MINAR1: variants seen among roughly 807,000 people sequenced by gnomAD.
MINAR1 encodes major intrinsically disordered Notch2-binding receptor 1.
In MINAR1, 40 loss-of-function variants were observed where a neutral mutation model predicts 65.1. The ratio of observed to expected loss-of-function variants is 0.61; its 90% CI spans 0.48 to 0.80. The LOEUF is 0.80. Among genes scored for constraint, MINAR1 ranks in the 30% least tolerant of loss-of-function variants. The pLI, the probability that MINAR1 is intolerant of heterozygous loss-of-function variation, is 0.00. For synonymous variants in MINAR1, 482 were observed against 449.1 expected, an observed-to-expected ratio of 1.07 and a Z score of -0.93; for missense variants, 1,128 against 1,148.0, an observed-to-expected ratio of 0.98 and a Z score of 0.25.
chr15:79,423,998 C>G, the MINAR1 span: 1 of 152,262 alleles, frequency 6.6e-6, no homozygotes, highest in East Asian at 1.9e-4. Context: ...TGCATGCCAC[C>G]CTGTGATCTG....
intron 1 of MINAR1, among the ~76,000 whole-genome samples, chr15:79,447,670 C>T (rs1895063003): frequency 2.6e-5 from 4 of 152,110 alleles, no homozygotes; most frequent in Admixed American, 2.6e-4. Context: ...CAGCCATGGA[C>T]ATTAGCAGCA....
At chr15:79,452,533 AGTGTGTGGGTGTGT>A (rs1175957388) in intron 1 of MINAR1, among the ~76,000 whole-genome samples, 3 of 142,062 alleles carry the variant, frequency 2.1e-5, no homozygotes, top group Admixed American at 2.1e-4. Flanking sequence ...TGACTGGGTG[AGTGTGTGGGTGTGT>A]GTGGGTGAGT....
the MINAR1 span, chr15:79,416,343 A>G: frequency 6.6e-6 from 1 of 152,230 alleles, no homozygotes; most frequent in Non-Finnish European, 1.5e-5. Flanking sequence ...TGCCTGGCAC[A>G]TCTGGAAAGG....
At chr15:79,414,860 G>C in the MINAR1 span, 1 of 152,208 alleles carries the variant, frequency 6.6e-6, no homozygotes, top group Non-Finnish European at 1.5e-5. Flanking sequence ...ATAATGCAGT[G>C]AGCACTCCAA....
the MINAR1 span, chr15:79,423,256 T>G: frequency 2.0e-5 from 3 of 152,104 alleles, no homozygotes; most frequent in Non-Finnish European, 4.4e-5. Context: ...AATATTATGT[T>G]GATGGTGAAA....
Position 79,456,323 on chromosome 15 carries a change from AT to A in MINAR1, c.180del (p.Pro61GlnfsTer9). 5 of 1,614,166 alleles carry A rather than the reference AT, an allele frequency of 3.1e-6. No individual in the cohort carries two copies. The highest frequency in any genetic ancestry group is 4.2e-6 in the Non-Finnish European group (5 of 1,180,050). On this transcript the variant is annotated frameshift_variant, in exon 2 of 4. Coordinates refer to ENST00000305428, the MANE Select transcript of MINAR1 (RefSeq NM_015206.3). LOFTEE classifies it high-confidence loss of function. ...VLFYTACLDP[N>X]FPATLFKDKM... ...TTCTACACAGCTTGTCTCGATCCCAATTTTCCAGCCACGCTATTCAAAGACA... is the reference window on the plus strand; with the variant it reads ...TTCTACACAGCTTGTCTCGATCCCAATTTCCAGCCACGCTATTCAAAGACA...
chr15:79,432,777 G>A (rs1300592675), intron 1 of MINAR1, among the ~76,000 whole-genome samples: 1 of 152,212 alleles, frequency 6.6e-6, no homozygotes, highest in African/African-American at 2.4e-5. Flanking sequence ...CGGATGCGGG[G>A]CGGGGCCGCA....
chr15:79,414,374 A>G, the MINAR1 span: 1 of 152,250 alleles, frequency 6.6e-6, no homozygotes. Flanking sequence ...TTCTATTCCC[A>G]TGAACATGGC....
At chr15:79,460,440 A>C (rs915871302) in intron 2 of MINAR1, among the ~76,000 whole-genome samples, 29 of 152,174 alleles carry the variant, frequency 1.9e-4, no homozygotes, top group Non-Finnish European at 8.8e-5. Context: ...CAATCCTCCA[A>C]ACTGAAGAAG....
chr15:79,419,031 G>A, the MINAR1 span: 1 of 152,228 alleles, frequency 6.6e-6, no homozygotes, highest in African/African-American at 2.4e-5. Context: ...CCAAACAAAG[G>A]AAGAGTTTAA....
the MINAR1 span, chr15:79,411,562 T>A: frequency 7.2e-6 from 5 of 697,392 alleles, no homozygotes; most frequent in Non-Finnish European, 1.3e-5. Context: ...GAAGCTACGC[T>A]GAAGTGGGAG....
At chr15:79,437,077 G>T in intron 1 of MINAR1, among the ~76,000 whole-genome samples, 1 of 150,802 alleles carries the variant, frequency 6.6e-6, no homozygotes, top group East Asian at 1.9e-4. Context: ...AAGTTTTAGG[G>T]TTACTAGAGG....
chr15:79,433,221 G>A (rs1286990102), intron 1 of MINAR1, among the ~76,000 whole-genome samples: 2 of 152,130 alleles, frequency 1.3e-5, no homozygotes, highest in African/African-American at 4.8e-5. Context: ...TTGGGCTACC[G>A]AATCCATCAG....
intron 2 of MINAR1, among the ~76,000 whole-genome samples, chr15:79,460,191 C>T (rs1465347312): frequency 1.3e-5 from 2 of 152,172 alleles, no homozygotes. Context: ...ATTTCTCCTT[C>T]CTGGCTTGTG....
the MINAR1 span, chr15:79,413,130 A>G: frequency 6.6e-6 from 1 of 152,254 alleles, no homozygotes; most frequent in Admixed American, 6.5e-5. Context: ...AAAGACCCAG[A>G]GCAAGAACTC....
rs1427047408 is a variant in MINAR1, at chr15:79,457,270, G to C, written c.1123G>C (p.Glu375Gln). The change falls in exon 2 of 4, where the codon GAA (glutamate) becomes CAA (glutamine). Residue 375 changes from glutamate (E) to glutamine (Q), a missense_variant. Transcript: ENST00000305428. Reference protein sequence around the residue: ...PAKSWSLNTEEVPDFERSFFN... With the variant: ...PAKSWSLNTEQVPDFERSFFN... ...CAAAAGCTGGAGCCTAAACACAGAGGAAGTTCCTGACTTTGAACGGTCCTT... is the reference window on the plus strand; with the variant it reads ...CAAAAGCTGGAGCCTAAACACAGAGCAAGTTCCTGACTTTGAACGGTCCTT... 6.2e-7 allele frequency: 1 copy of C among 1,614,184 alleles called. No individual in the cohort carries two copies. The highest frequency in any genetic ancestry group is 2.2e-5 in the East Asian group (1 of 44,876).
At chr15:79,455,646 T>C (rs72630410) in intron 1 of MINAR1, among the ~76,000 whole-genome samples, 16,631 of 152,218 alleles carry the variant, frequency 0.11, 1,368 homozygotes, top group African/African-American at 0.23. Flanking sequence ...ACCTTCTGAC[T>C]CTGGCTTCTT....
intron 1 of MINAR1, among the ~76,000 whole-genome samples, chr15:79,448,124 A>G (rs1222894700): frequency 6.6e-6 from 1 of 152,184 alleles, no homozygotes; most frequent in Non-Finnish European, 1.5e-5. Context: ...TTAAGAAAAA[A>G]ATTTGCATCT....
chr15:79,442,592 G>GAAA (rs35688303), intron 1 of MINAR1, among the ~76,000 whole-genome samples: 6 of 122,714 alleles, frequency 4.9e-5, no homozygotes, highest in Admixed American at 8.2e-5. Flanking sequence ...CCATAAAAAT[G>GAAA]AAAAAAAAAA....
Sources: allele counts gnomAD v4.1 joint callset (sites outside exome capture counted in the v4.1 genomes callset), GRCh38; gene constraint gnomAD v4.1.1; transcripts MANE v1.5; gene names NCBI Gene and HGNC (gene_info 2026-07-23, HGNC 2026-07-21).